Variants in EFCAB6 observed in about 807,000 individuals in gnomAD.
EFCAB6 encodes the protein EF-hand calcium-binding domain-containing protein 6.
EFCAB6 carries 156 observed loss-of-function variants against 169.8 expected under a neutral mutation model. That is an observed-to-expected ratio of 0.92 (90% CI 0.81 to 1.05). The LOEUF (loss-of-function observed/expected upper bound fraction) is 1.05, where lower values mean the gene tolerates loss of function less well. Among genes scored for constraint, EFCAB6 ranks in the 50% least tolerant of loss-of-function variants. The probability of loss-of-function intolerance (pLI) is 0.00; values close to 1 mark genes in which losing one functional copy is unlikely to be tolerated. For synonymous variants in EFCAB6, 698 were observed against 676.4 expected (o/e 1.03, Z -0.50); for missense variants, 1,800 against 1,829.1 (o/e 0.98, Z 0.29).
chr22:43,656,376 G>A (rs2056742537), intron 17 of EFCAB6, among the ~76,000 whole-genome samples: 1 of 149,888 alleles, frequency 6.7e-6, no homozygotes, highest in Non-Finnish European at 1.5e-5. Flanking sequence ...TGGGCAACAA[G>A]AGCAAAACGC....
intron 10 of EFCAB6, among the ~76,000 whole-genome samples, chr22:43,708,591 T>C (rs1198650010): frequency 1.3e-5 from 2 of 152,146 alleles, no homozygotes; most frequent in South Asian, 2.1e-4. Context: ...TTAAAACATA[T>C]AGATATATGC....
chr22:43,581,456 C>A lies in EFCAB6; in HGVS notation c.3033-797G>T, dbSNP rs77038592. ...CTCATTCATCTCCTTGACTCTGACA[C>A]AGAAGAAATTACCTAAGTTCTGGAA... On this transcript the variant is annotated intron_variant, in intron 24 of 31. Coordinates refer to ENST00000262726, the MANE Select transcript of EFCAB6 (RefSeq NM_022785.4). Among the ~76,000 whole-genome samples, 651 of 152,288 alleles carry A rather than the reference C, an allele frequency of 4.3e-3. 5 individuals carry two copies. The highest frequency in any genetic ancestry group is 0.014 in the African/African-American group (597 of 41,544).
At chr22:43,742,331 C>T (rs1387336987) in intron 6 of EFCAB6, among the ~76,000 whole-genome samples, 1 of 152,188 alleles carries the variant, frequency 6.6e-6, no homozygotes, top group African/African-American at 2.4e-5. Context: ...TACATATCGT[C>T]TAGGGACTGC....
At chr22:43,687,436 A>T in intron 11 of EFCAB6, 35 bp downstream of exon 11, 1 of 1,214,928 alleles carries the variant, frequency 8.2e-7, no homozygotes, top group Non-Finnish European at 1.1e-6. Context: ...TGATATGTGT[A>T]ACTAAAATTT....
At chr22:43,530,124 G>A (rs2046970515) in intron 31 of EFCAB6, among the ~76,000 whole-genome samples, 1 of 152,206 alleles carries the variant, frequency 6.6e-6, no homozygotes, top group African/African-American at 2.4e-5. Flanking sequence ...CTCTGTGGAG[G>A]GCAAGGTTTC....
chr22:43,790,496 G>A (rs1289040004), intron 2 of EFCAB6, among the ~76,000 whole-genome samples: 4 of 152,294 alleles, frequency 2.6e-5, no homozygotes, highest in South Asian at 2.1e-4. Flanking sequence ...TCAGATCTAC[G>A]GAGACCAGTG....
At chr22:43,539,935 G>A (rs998650622) in intron 28 of EFCAB6, among the ~76,000 whole-genome samples, 192 bp downstream of exon 28, 14 of 151,892 alleles carry the variant, frequency 9.2e-5, no homozygotes, top group African/African-American at 2.4e-4. Flanking sequence ...CTATCCCCAC[G>A]TCTGCCCCCC....
At chr22:43,601,716 G>A (rs567114265) in intron 22 of EFCAB6, among the ~76,000 whole-genome samples, 2 of 152,366 alleles carry the variant, frequency 1.3e-5, no homozygotes, top group East Asian at 3.9e-4. Flanking sequence ...GGGGTGGCAG[G>A]TAGGAGAGAA....
chr22:43,585,063 G>A (rs1011464281), intron 24 of EFCAB6, among the ~76,000 whole-genome samples: 5 of 152,134 alleles, frequency 3.3e-5, no homozygotes, highest in African/African-American at 9.7e-5. Flanking sequence ...ACAACAAAAA[G>A]TACAATGCAT....
rs191201673 is a variant in EFCAB6, at chr22:43,664,166, G to A, written c.1983+2938C>T. Among the ~76,000 whole-genome samples the A allele has an allele frequency of 4.3e-4, 65 of 152,318 alleles. 1 individual carries two copies. The Middle Eastern group carries it at 0.02, about 48-fold the overall frequency. ...GGCCAGCACCCAGAGTAATTCATGGGGCAGAGAAGAGCACAGGGGTTGGAG... is the reference window on the plus strand; with the variant it reads ...GGCCAGCACCCAGAGTAATTCATGGAGCAGAGAAGAGCACAGGGGTTGGAG... On this transcript the variant is annotated intron_variant, in intron 17 of 31. Transcript: ENST00000262726.
intron 4 of EFCAB6, among the ~76,000 whole-genome samples, chr22:43,767,824 ATAG>A (rs2061361930): frequency 8.7e-5 from 3 of 34,398 alleles, no homozygotes; most frequent in African/African-American, 3.3e-4. Context: ...TCTTGCGATG[ATAG>A]TCTCCAAAGC....
intron 10 of EFCAB6, among the ~76,000 whole-genome samples, chr22:43,688,857 A>G (rs2058298074): frequency 6.6e-6 from 1 of 152,234 alleles, no homozygotes; most frequent in South Asian, 2.1e-4. Context: ...TGAGATCTCA[A>G]AGTGGGCATG....
In EFCAB6 at chr22:43,554,897, C is replaced by T. The variant is rs150362294; in HGVS notation, c.3620G>A (p.Arg1207His). 1.5e-4 allele frequency: 250 copies of T among 1,614,132 alleles called. No individual in the cohort carries two copies. Among genetic ancestry groups the T allele is most frequent in the African/African-American group, 1.9e-4 (14 of 75,026 alleles). ...SREEFRAICN[R>H]RVQILTDEQF... is the part of the protein sequence containing the mutation. ...TTCGTCCGTCAGGATTTGGACGCGG[C>T]GATTACAAATGGCCCTAAACTCCTC... Residue 1207 changes from arginine to histidine, a missense_variant, in exon 27 of 32, where the codon CGC becomes CAC. By Grantham distance (29) the Arg-to-His change is conservative (BLOSUM62 0). Transcript: ENST00000262726.
At chr22:43,593,876 T>G (rs2051763099) in intron 23 of EFCAB6, among the ~76,000 whole-genome samples, 2 of 151,558 alleles carry the variant, frequency 1.3e-5, no homozygotes, top group South Asian at 4.2e-4. Flanking sequence ...GTATAAGGAG[T>G]GTGGATGGGA....
intron 2 of EFCAB6, among the ~76,000 whole-genome samples, chr22:43,789,362 G>A (rs1369261568): frequency 1.3e-5 from 2 of 152,186 alleles, no homozygotes; most frequent in Admixed American, 6.5e-5. Flanking sequence ...GCAGCACTGG[G>A]TGAGCCAAGG....
intron 27 of EFCAB6, among the ~76,000 whole-genome samples, chr22:43,542,430 A>G (rs1348656765): frequency 6.6e-6 from 1 of 152,186 alleles, no homozygotes; most frequent in East Asian, 1.9e-4. Flanking sequence ...AAATACAAAA[A>G]TTAGCTGGGC....
At chr22:43,670,339 C>T (rs528483677) in intron 15 of EFCAB6, among the ~76,000 whole-genome samples, 2 of 152,194 alleles carry the variant, frequency 1.3e-5, no homozygotes, top group South Asian at 4.2e-4. Flanking sequence ...AAAAGTGTCC[C>T]GAGACCAAAA....
At chr22:43,531,656 C>A (rs1258024972) in intron 30 of EFCAB6, among the ~76,000 whole-genome samples, 6 of 152,132 alleles carry the variant, frequency 3.9e-5, no homozygotes, top group African/African-American at 1.2e-4. Context: ...CAGATGAGCA[C>A]AGGGTTAAGC....
At chr22:43,761,502 A>G (rs888944753) in intron 5 of EFCAB6, among the ~76,000 whole-genome samples, 1 of 152,058 alleles carries the variant, frequency 6.6e-6, no homozygotes, top group African/African-American at 2.4e-5. Flanking sequence ...TAGATCTACA[A>G]TCAGATTTTT....
Sources: allele counts gnomAD v4.1 joint callset (sites outside exome capture counted in the v4.1 genomes callset), GRCh38; gene constraint gnomAD v4.1.1; transcripts MANE v1.5; gene names NCBI Gene and HGNC (gene_info 2026-07-23, HGNC 2026-07-21).